FAM83D: variants seen among roughly 807,000 people sequenced by gnomAD.
FAM83D encodes the protein scaffolding CK1 anchoring protein D.
In FAM83D, 26 loss-of-function variants were observed where a neutral mutation model predicts 25.4. The ratio of observed to expected loss-of-function variants is 1.02; its 90% CI spans 0.75 to 1.42. FAM83D has a LOEUF of 1.42. FAM83D is among the 40% of genes most tolerant of loss of function. FAM83D has a pLI of 0.00. For missense variants in FAM83D, 740 were observed against 758.1 expected, an observed-to-expected ratio of 0.98 and a Z score of 0.28; for synonymous variants, 310 against 318.5, an observed-to-expected ratio of 0.97 and a Z score of 0.28.
rs375911483 is a variant in FAM83D, at chr20:38,951,815, C to A, written c.1053C>A (p.Pro351=). The change falls in exon 4 of 4, where the codon CCC becomes CCA. Residue 351 remains proline (P), a synonymous_variant. Coordinates refer to ENST00000619850, the MANE Select transcript of FAM83D (RefSeq NM_030919.3). The part of the protein sequence containing the change: ...PRKADLDPEM[P]AEGKAERKPH... ...AGGCGGACCTGGACCCAGAGATGCCCGCAGAGGGCAAGGCAGAGCGCAAGC... is the reference window on the plus strand; with the variant it reads ...AGGCGGACCTGGACCCAGAGATGCCAGCAGAGGGCAAGGCAGAGCGCAAGC... 2 of 1,614,052 alleles carry A rather than the reference C, an allele frequency of 1.2e-6. No individual in the cohort carries two copies. The highest frequency in any genetic ancestry group is 1.3e-5 in the African/African-American group (1 of 74,904).
intron 1 of FAM83D, among the ~76,000 whole-genome samples, chr20:38,935,393 C>G (rs1261322149): frequency 6.6e-6 from 1 of 152,188 alleles, no homozygotes; most frequent in Non-Finnish European, 1.5e-5. Context: ...CTGCCACCCT[C>G]TGGTGGCCCT....
In FAM83D at chr20:38,926,604, G is replaced by T. The variant is rs749206418; in HGVS notation, c.162G>T (p.Glu54Asp). 2 of 1,544,090 alleles carry T rather than the reference G, an allele frequency of 1.3e-6. No individual in the cohort carries two copies. The highest frequency in any genetic ancestry group is 1.7e-6 in the Non-Finnish European group (2 of 1,150,984). Residue 54 changes from glutamate to aspartate, a missense_variant, in exon 1 of 4, where the codon GAG (glutamate) becomes GAT (aspartate). Physicochemically the swap from Glu to Asp is conservative, Grantham distance 45. Coordinates refer to ENST00000619850, the MANE Select transcript of FAM83D (RefSeq NM_030919.3). The part of the protein sequence containing the change: ...PEAFAAFLRR[E>D]RLARFLNPDE... ...CCTTCGCGGCCTTCCTGCGACGCGA[G>T]CGCCTGGCTCGTTTCCTGAACCCCG...
rs1181547394 is a variant in FAM83D, at chr20:38,926,433, G to A, written c.-10G>A. ...TTTTTGTCCGAGGGCTGTCGAGTCC[G>A]AGCGCCGCCATGGCTCTGCTGTCCG... On this transcript the variant is annotated 5_prime_UTR_variant, in exon 1 of 4. Transcript: ENST00000619850. The A allele has an allele frequency of 3.1e-6, 5 of 1,597,802 alleles. No homozygotes were observed. The African/African-American group carries it at 4.0e-5, about 13-fold the overall frequency.
chr20:38,935,439 T>A (rs1383809586), intron 1 of FAM83D, among the ~76,000 whole-genome samples: 1 of 152,122 alleles, frequency 6.6e-6, no homozygotes, highest in Admixed American at 6.5e-5. Flanking sequence ...ATTGTTTTAT[T>A]TGGTTGCTTG....
rs772131868 is a variant in FAM83D at position 38,952,391 on chromosome 20, C to T, written c.1629C>T (p.Asn543=). 1.2e-6 allele frequency: 2 copies of T among 1,614,236 alleles called. No homozygotes were observed. Among genetic ancestry groups the T allele is most frequent in the African/African-American group, 1.3e-5 (1 of 75,066 alleles). Residue 543 remains asparagine, a synonymous_variant, in exon 4 of 4, where the codon AAC becomes AAT. Coordinates refer to ENST00000619850, the MANE Select transcript of FAM83D (RefSeq NM_030919.3). Reference sequence around the variant, plus strand: ...TCGCTGGTATCAGGTCCCGGCTCAACCACATGCTGGCTATGCTGTCAAGGA... The same window carrying T: ...TCGCTGGTATCAGGTCCCGGCTCAATCACATGCTGGCTATGCTGTCAAGGA... ...FHFAGIRSRL[N]HMLAMLSRRT...
intron 3 of FAM83D, among the ~76,000 whole-genome samples, chr20:38,949,885 T>G (rs1454993929): frequency 6.6e-6 from 1 of 151,810 alleles, no homozygotes; most frequent in East Asian, 1.9e-4. Flanking sequence ...GTGGACGATC[T>G]CGGCTCACTG....
At chr20:38,934,175 C>T (rs541486924) in intron 1 of FAM83D, among the ~76,000 whole-genome samples, 2 of 152,196 alleles carry the variant, frequency 1.3e-5, no homozygotes, top group South Asian at 4.1e-4. Flanking sequence ...TTTCTTTATT[C>T]TTTTCCCTTA....
At chr20:38,944,420 A>G (rs1456156102) in intron 2 of FAM83D, among the ~76,000 whole-genome samples, 1 of 152,248 alleles carries the variant, frequency 6.6e-6, no homozygotes, top group East Asian at 1.9e-4. Flanking sequence ...TCAGCTAGCC[A>G]GGTAAAGAAA....
At position 38,926,560 on chromosome 20, in the gene FAM83D, G is replaced by A. The variant is rs1364134308; in HGVS notation, c.118G>A (p.Val40Met). The A allele has an allele frequency of 1.3e-6, 2 of 1,571,190 alleles. No homozygotes were observed. The highest frequency in any genetic ancestry group is 1.1e-5 in the South Asian group (1 of 88,302). The change falls in exon 1 of 4, where the codon GTG becomes ATG. Residue 40 changes from valine (V) to methionine (M), a missense_variant. Val to Met is a conservative substitution (Grantham distance 21). Around this residue, in one of 3 missense-constraint regions of FAM83D, gnomAD observed 333 missense variants for 298.6 expected, o/e 1.12. Coordinates refer to ENST00000619850, the MANE Select transcript of FAM83D (RefSeq NM_030919.3). ...ACGGCGCCTGGCTCTGGAGGAGCTG[G>A]TGGCGGGCGGCCCCGAAGCCTTCGC... is the stretch of plus-strand genomic sequence containing the variant. The part of the protein sequence containing the change: ...ESRRLALEEL[V>M]AGGPEAFAAF...
Position 38,951,811 on chromosome 20 carries a change from T to G in FAM83D, c.1049T>G (p.Met350Arg). 1 of 1,614,198 alleles carries G rather than the reference T, an allele frequency of 6.2e-7. No individual in the cohort carries two copies. Among genetic ancestry groups the G allele is most frequent in the Non-Finnish European group, 8.5e-7 (1 of 1,180,030 alleles). The change falls in exon 4 of 4, where the codon ATG (methionine) becomes AGG (arginine). Residue 350 changes from methionine to arginine, a missense_variant. This residue lies in a region of FAM83D where 375 missense variants were observed against 403.2 expected (regional missense o/e 0.93). Transcript: ENST00000619850. Reference protein sequence around the residue: ...TPRKADLDPEMPAEGKAERKP... With the variant: ...TPRKADLDPERPAEGKAERKP... Reference sequence around the variant, plus strand: ...AGGAAGGCGGACCTGGACCCAGAGATGCCCGCAGAGGGCAAGGCAGAGCGC... The same window carrying G: ...AGGAAGGCGGACCTGGACCCAGAGAGGCCCGCAGAGGGCAAGGCAGAGCGC...
intron 2 of FAM83D, among the ~76,000 whole-genome samples, chr20:38,945,562 A>G (rs943743975): frequency 2.0e-5 from 3 of 152,136 alleles, no homozygotes; most frequent in Non-Finnish European, 4.4e-5. Context: ...AATACTATCT[A>G]ATTTACAGAC....
At chr20:38,933,335 A>G (rs1005342876) in intron 1 of FAM83D, among the ~76,000 whole-genome samples, 1 of 152,226 alleles carries the variant, frequency 6.6e-6, no homozygotes, top group Non-Finnish European at 1.5e-5. Flanking sequence ...AGTTTTAGAA[A>G]CAGATGGTAG....
chr20:38,936,636 T>C (rs2085680498), intron 1 of FAM83D, among the ~76,000 whole-genome samples: 1 of 152,200 alleles, frequency 6.6e-6, no homozygotes, highest in African/African-American at 2.4e-5. Flanking sequence ...TAGTACTTTT[T>C]TTAGATGGCT....
intron 2 of FAM83D, among the ~76,000 whole-genome samples, chr20:38,946,506 G>C (rs942386656): frequency 6.6e-6 from 1 of 152,032 alleles, no homozygotes; most frequent in African/African-American, 2.4e-5. Context: ...CCATGTTATC[G>C]TCATGCATGC....
intron 1 of FAM83D, among the ~76,000 whole-genome samples, chr20:38,928,539 C>T (rs1601328987): frequency 6.6e-6 from 1 of 152,168 alleles, no homozygotes; most frequent in Non-Finnish European, 1.5e-5. Flanking sequence ...CCCCAAAGCT[C>T]ATGTCCAGTA....
chr20:38,942,134 G>A lies in FAM83D; in HGVS notation c.651+8G>A. 1 of 1,613,996 alleles carries A rather than the reference G, an allele frequency of 6.2e-7. No homozygotes were observed. The highest frequency in any genetic ancestry group is 8.5e-7 in the Non-Finnish European group (1 of 1,179,880). Reference sequence around the variant, plus strand: ...CATCCTGAACAGGAAAAGGTTTGTGGTACACTATATCCAGTTTCACCATAG... The same window carrying A: ...CATCCTGAACAGGAAAAGGTTTGTGATACACTATATCCAGTTTCACCATAG... On this transcript the variant is annotated splice_region_variant and intron_variant, in intron 2 of 3. Transcript: ENST00000619850.
intron 1 of FAM83D, among the ~76,000 whole-genome samples, chr20:38,939,738 A>G (rs924639284): frequency 1.3e-5 from 2 of 152,072 alleles, no homozygotes; most frequent in Non-Finnish European, 2.9e-5. Flanking sequence ...GTCTATGTCA[A>G]ATTCCTCATA....
chr20:38,947,911 C>T lies in FAM83D; in HGVS notation c.687C>T (p.Tyr229=), dbSNP rs374359207. 2 of 1,614,042 alleles carry T rather than the reference C, an allele frequency of 1.2e-6. No homozygotes were observed. Among genetic ancestry groups the T allele is most frequent in the African/African-American group, 1.3e-5 (1 of 74,934 alleles). The change falls in exon 3 of 4, where the codon TAC becomes TAT. Residue 229 remains tyrosine (Y), a synonymous_variant. Transcript: ENST00000619850. The part of the protein sequence containing the change: ...MTVRTITGNI[Y]YARSGTKIIG... ...TTCGGACTATCACAGGAAATATCTACTATGCAAGGTCAGGAACTAAGATTA... is the reference window on the plus strand; with the variant it reads ...TTCGGACTATCACAGGAAATATCTATTATGCAAGGTCAGGAACTAAGATTA...
At chr20:38,949,604 A>G (rs760894527) in intron 3 of FAM83D, among the ~76,000 whole-genome samples, 11 of 152,226 alleles carry the variant, frequency 7.2e-5, no homozygotes, top group Non-Finnish European at 1.6e-4. Flanking sequence ...TACTTCTGGT[A>G]CAAATACCAC....
Sources: gnomAD v4.1 joint callset for allele counts (sites outside exome capture counted in the v4.1 genomes callset) on GRCh38, gnomAD v4.1.1 for gene constraint, gnomAD v4.1.1 regional missense constraint, MANE v1.5 for transcripts, NCBI Gene and HGNC (gene_info 2026-07-23, HGNC 2026-07-21) for gene names.